TNRC6B: variants seen among roughly 807,000 people sequenced by gnomAD.
TNRC6B encodes trinucleotide repeat containing adaptor 6B, also known as trinucleotide repeat-containing gene 6B protein.
In TNRC6B, 52 loss-of-function variants were observed where a neutral mutation model predicts 203.6. The ratio of observed to expected loss-of-function variants is 0.26; its 90% CI spans 0.20 to 0.32. The LOEUF (loss-of-function observed/expected upper bound fraction) is 0.32. Ranked by LOEUF, TNRC6B falls within the 10% of genes least tolerant of loss-of-function variation. The pLI is 1.00. For missense variants in TNRC6B, 1,923 were observed against 2,286.2 expected, an observed-to-expected ratio of 0.84 and a Z score of 3.24; for synonymous variants, 838 against 845.7, an observed-to-expected ratio of 0.99 and a Z score of 0.16.
chr22:40,189,565 A>G (rs1281533961), intron 1 of TNRC6B, among the ~76,000 whole-genome samples: 1 of 151,910 alleles, frequency 6.6e-6, no homozygotes, highest in Non-Finnish European at 1.5e-5. Context: ...TCCTTGCTAC[A>G]GGATTTCTTA....
Position 40,327,983 on chromosome 22 carries a change from G to A in TNRC6B, c.*4742G>A, listed in dbSNP as rs1300319017. The A allele has an allele frequency of 2.0e-5, 3 of 152,072 alleles. No homozygotes were observed. The East Asian group carries it at 5.8e-4, about 29-fold the overall frequency. 9.4% of individuals were successfully genotyped at this position (152,072 alleles called of 1,614,324 possible). A position where few individuals can be genotyped will look rare whatever the true frequency, so the allele number is the denominator to read the frequency against. ...AAGAAAAGAAGCACTAATAGAGAAA[G>A]GGGTGTCTCACACCAGACAGAGGAC... On this transcript the variant is annotated 3_prime_UTR_variant, in exon 23 of 23. Coordinates refer to ENST00000454349, the MANE Select transcript of TNRC6B (RefSeq NM_001162501.2).
intron 15 of TNRC6B, among the ~76,000 whole-genome samples, chr22:40,306,775 C>A (rs899671012): frequency 1.3e-5 from 2 of 152,174 alleles, no homozygotes; most frequent in Admixed American, 1.3e-4. Flanking sequence ...TGCCTGAGCT[C>A]AGGAGTTCTA....
chr22:40,281,511 C>T (rs9623162), intron 11 of TNRC6B, among the ~76,000 whole-genome samples: 93,788 of 151,206 alleles, frequency 0.62, 33,430 homozygotes, highest in East Asian at 0.99. Flanking sequence ...TTTTTTGTCT[C>T]CTCATTTTTG....
intron 1 of TNRC6B, among the ~76,000 whole-genome samples, chr22:40,048,004 C>T (rs1342345832): frequency 6.6e-6 from 1 of 152,186 alleles, no homozygotes; most frequent in Non-Finnish European, 1.5e-5. Flanking sequence ...AGTTCATGTG[C>T]AAAATGCGCG....
Position 40,273,451 on chromosome 22 carries a change from G to T in TNRC6B, c.2992G>T (p.Gly998Trp). The T allele has an allele frequency of 6.2e-7, 1 of 1,610,346 alleles. No individual in the cohort carries two copies. Among genetic ancestry groups the T allele is most frequent in the Non-Finnish European group, 8.5e-7 (1 of 1,178,304 alleles). ...TTCCAAATCTATGCAAGACGGCTGG[G>T]GGGAGAGTGACGGGCCAGTCACAGG... ...PNSKSMQDGWGESDGPVTGAR... is the reference protein window; with the variant it reads ...PNSKSMQDGWWESDGPVTGAR... Residue 998 changes from glycine (G) to tryptophan (W), a missense_variant, in exon 7 of 23, where the codon GGG becomes TGG. This residue lies in a region of TNRC6B where 599 missense variants were observed against 656.5 expected (regional missense o/e 0.91). Coordinates refer to ENST00000454349, the MANE Select transcript of TNRC6B (RefSeq NM_001162501.2).
At chr22:40,295,474 CAAAAAAA>C (rs5845457) in intron 12 of TNRC6B, among the ~76,000 whole-genome samples, 204 of 98,980 alleles carry the variant, frequency 2.1e-3, no homozygotes, top group African/African-American at 8.6e-3. Flanking sequence ...ACTCCATTTC[CAAAAAAA>C]AAAAAAAAAA....
chr22:40,140,829 T>A (rs1215656179), intron 3 of TNRC6B, among the ~76,000 whole-genome samples: 1 of 151,968 alleles, frequency 6.6e-6, no homozygotes, highest in Non-Finnish European at 1.5e-5. Context: ...TTAGTAGAGA[T>A]GGGGTTTCAC....
intron 4 of TNRC6B, among the ~76,000 whole-genome samples, chr22:40,262,838 G>A (rs11703939): frequency 1.3e-5 from 2 of 152,064 alleles, no homozygotes; most frequent in African/African-American, 4.8e-5. Flanking sequence ...AGGAGATCGA[G>A]ACCACCCTGG....
At chr22:40,143,711 T>A (rs1002245179) in intron 3 of TNRC6B, among the ~76,000 whole-genome samples, 2 of 152,322 alleles carry the variant, frequency 1.3e-5, no homozygotes, top group South Asian at 2.1e-4. Context: ...TTAGCCAGGA[T>A]GGTCTCGATC....
chr22:40,182,375 T>C (rs1382894264), intron 1 of TNRC6B, among the ~76,000 whole-genome samples: 1 of 152,264 alleles, frequency 6.6e-6, no homozygotes, highest in African/African-American at 2.4e-5. Context: ...GGACAGCATA[T>C]GCTAATTGTT....
chr22:40,183,334 A>T (rs951940343), intron 1 of TNRC6B, among the ~76,000 whole-genome samples: 2 of 152,146 alleles, frequency 1.3e-5, no homozygotes, highest in East Asian at 1.9e-4. Flanking sequence ...GTTCTTTCTC[A>T]TGGCTACCAG....
intron 1 of TNRC6B, among the ~76,000 whole-genome samples, chr22:40,116,567 C>G (rs903100571): frequency 6.6e-6 from 1 of 151,920 alleles, no homozygotes; most frequent in African/African-American, 2.4e-5. Flanking sequence ...AGAGAACCAG[C>G]GAAATGGCCC....
At chr22:40,062,714 AT>A (rs1569247426) in intron 1 of TNRC6B, among the ~76,000 whole-genome samples, 1 of 152,246 alleles carries the variant, frequency 6.6e-6, no homozygotes, top group East Asian at 1.9e-4. Flanking sequence ...AACGCTAATG[AT>A]TTTGAGCACG....
intron 3 of TNRC6B, among the ~76,000 whole-genome samples, chr22:40,256,195 T>C (rs1259315176): frequency 6.6e-6 from 1 of 152,146 alleles, no homozygotes; most frequent in African/African-American, 2.4e-5. Context: ...AGTTCATTCT[T>C]TGAGGGTGAA....
intron 1 of TNRC6B, among the ~76,000 whole-genome samples, chr22:40,063,607 C>T (rs6001738): frequency 4.6e-5 from 7 of 152,056 alleles, no homozygotes; most frequent in Admixed American, 2.6e-4. Flanking sequence ...TGGTTTTCAG[C>T]GTATAAGTGT....
intron 15 of TNRC6B, among the ~76,000 whole-genome samples, chr22:40,305,331 A>G (rs1292008668): frequency 1.3e-5 from 2 of 152,234 alleles, no homozygotes; most frequent in African/African-American, 4.8e-5. Flanking sequence ...AATTTGAGCT[A>G]AAGCTCTGTG....
At chr22:40,129,587 C>G (rs2068523453) in intron 3 of TNRC6B, among the ~76,000 whole-genome samples, 3 of 152,114 alleles carry the variant, frequency 2.0e-5, no homozygotes, top group Admixed American at 6.5e-5. Flanking sequence ...ACTTCAGATG[C>G]TGCCAAGAAT....
intron 3 of TNRC6B, among the ~76,000 whole-genome samples, chr22:40,133,371 C>T (rs2068570097): frequency 6.6e-6 from 1 of 152,012 alleles, no homozygotes; most frequent in African/African-American, 2.4e-5. Context: ...TTATTGGGCA[C>T]CTACTAGTTG....
chr22:40,315,723 G>A (rs550558277), intron 20 of TNRC6B, among the ~76,000 whole-genome samples: 1 of 108,600 alleles, frequency 9.2e-6, no homozygotes, highest in Admixed American at 9.6e-5. Context: ...AAATGGCAGA[G>A]TGAGAACACT....
Sources: gnomAD v4.1 joint callset for allele counts (sites outside exome capture counted in the v4.1 genomes callset) on GRCh38, gnomAD v4.1.1 for gene constraint, gnomAD v4.1.1 regional missense constraint, MANE v1.5 for transcripts, NCBI Gene and HGNC (gene_info 2026-07-23, HGNC 2026-07-21) for gene names.